The following DOCK1 variants were observed in gnomAD, a reference collection of about 807,000 sequenced individuals.
The protein encoded by DOCK1 is dedicator of cytokinesis 1.
In DOCK1, 138 loss-of-function variants were observed where a neutral mutation model predicts 262.7. The observed-to-expected ratio is 0.53, with a 90% CI of 0.46 to 0.61. The LOEUF is 0.61. Ranked by LOEUF, DOCK1 falls within the 20% of genes least tolerant of loss-of-function variation. The pLI is 0.00. For synonymous variants in DOCK1, 866 were observed against 867.4 expected, an observed-to-expected ratio of 1.00 and a Z score of 0.03; for missense variants, 1,908 against 2,370.7, an observed-to-expected ratio of 0.80 and a Z score of 4.05.
chr10:127,190,137 C>A (rs1212623129), intron 27 of DOCK1, among the ~76,000 whole-genome samples: 9 of 152,312 alleles, frequency 5.9e-5, no homozygotes, highest in Admixed American at 5.2e-4. Context: ...AATACTAGGT[C>A]ACCAAATTCA....
chr10:127,222,382 A>C (rs989966984), intron 27 of DOCK1, among the ~76,000 whole-genome samples: 2 of 152,124 alleles, frequency 1.3e-5, no homozygotes, highest in Admixed American at 6.5e-5. Context: ...CTCTCTCTCA[A>C]TATGTTGTAG....
intron 31 of DOCK1, among the ~76,000 whole-genome samples, chr10:127,352,176 G>C (rs1286773719): frequency 3.6e-5 from 5 of 137,584 alleles, no homozygotes; most frequent in African/African-American, 1.4e-4. Flanking sequence ...GGGGAGCATC[G>C]GGGAGGGGTG....
intron 1 of DOCK1, among the ~76,000 whole-genome samples, chr10:126,954,238 C>G (rs2036555810): frequency 1.3e-5 from 2 of 152,238 alleles, no homozygotes; most frequent in Non-Finnish European, 2.9e-5. Flanking sequence ...CAGAGCAGCA[C>G]TGCTGGAGAG....
intron 6 of DOCK1, among the ~76,000 whole-genome samples, chr10:126,996,296 C>T (rs2040183099): frequency 6.9e-6 from 1 of 145,656 alleles, no homozygotes; most frequent in Non-Finnish European, 1.5e-5. Context: ...AGGAGAATTG[C>T]TTGAACCCGG....
At chr10:127,108,653 C>T (rs1359684488) in intron 24 of DOCK1, among the ~76,000 whole-genome samples, 1 of 152,174 alleles carries the variant, frequency 6.6e-6, no homozygotes, top group Non-Finnish European at 1.5e-5. Flanking sequence ...TCTTCCTCTC[C>T]CATGCCACGA....
intron 33 of DOCK1, among the ~76,000 whole-genome samples, chr10:127,364,919 A>G (rs1463407243): frequency 1.3e-5 from 2 of 151,698 alleles, no homozygotes; most frequent in Non-Finnish European, 2.9e-5. Flanking sequence ...TTTTAATAAT[A>G]TTAAAGATAA....
chr10:127,403,872 G>A (rs1441564384), intron 39 of DOCK1, among the ~76,000 whole-genome samples: 1 of 152,172 alleles, frequency 6.6e-6, no homozygotes. Flanking sequence ...CCTCCACCTT[G>A]TCATTTTTGT....
intron 6 of DOCK1, among the ~76,000 whole-genome samples, chr10:126,992,746 A>ACACT (rs1565039678): frequency 7.0e-6 from 1 of 143,360 alleles, no homozygotes; most frequent in African/African-American, 2.6e-5. Context: ...AGACACACAC[A>ACACT]CACACACACA....
At chr10:127,369,946 G>A (rs138287225) in intron 33 of DOCK1, among the ~76,000 whole-genome samples, 25 of 152,294 alleles carry the variant, frequency 1.6e-4, no homozygotes, top group East Asian at 1.5e-3. Flanking sequence ...CAGCATGGGC[G>A]CCTAGAGCCC....
chr10:127,363,021 A>ACC (rs2064669179), intron 33 of DOCK1, among the ~76,000 whole-genome samples: 1 of 134,870 alleles, frequency 7.4e-6, no homozygotes, highest in Non-Finnish European at 1.5e-5. Flanking sequence ...CCCCACACAC[A>ACC]CACACACATG....
chr10:127,166,366 A>C (rs2054089357), intron 27 of DOCK1, among the ~76,000 whole-genome samples: 1 of 151,716 alleles, frequency 6.6e-6, no homozygotes. Context: ...CGCCCGGCCC[A>C]AAAAAATGCC....
Position 127,374,146 on chromosome 10 carries a change from T to C in DOCK1, c.3607T>C (p.Leu1203=). ...KLVVRLMERL[L]DYRTIMHDEN... ...CGTTGTGCGCTTAATGGAAAGGCTT[T>C]TGGATTATAGAACCATCATGCACGA... Residue 1203 remains leucine, a synonymous_variant, in exon 35 of 52, where the codon TTG becomes CTG. Transcript: ENST00000623213. 1 of 1,613,868 alleles carries C rather than the reference T, an allele frequency of 6.2e-7. No individual in the cohort carries two copies. The highest frequency in any genetic ancestry group is 8.5e-7 in the Non-Finnish European group (1 of 1,179,828).
intron 27 of DOCK1, among the ~76,000 whole-genome samples, chr10:127,149,475 C>A (rs1278884778): frequency 6.6e-6 from 1 of 152,178 alleles, no homozygotes; most frequent in East Asian, 1.9e-4. Context: ...CCTCCCATGG[C>A]AAAGGTACCC....
intron 33 of DOCK1, among the ~76,000 whole-genome samples, chr10:127,367,844 C>G (rs1326511198): frequency 6.6e-6 from 1 of 152,170 alleles, no homozygotes; most frequent in Non-Finnish European, 1.5e-5. Context: ...AGGCTGCTGC[C>G]TGTGGGGTTT....
At chr10:127,251,276 G>A (rs1017451346) in intron 28 of DOCK1, among the ~76,000 whole-genome samples, 6 of 152,010 alleles carry the variant, frequency 3.9e-5, no homozygotes, top group African/African-American at 1.4e-4. Context: ...ACCACGCCCG[G>A]CTTACTCTGA....
chr10:127,196,169 GCGCCTGCTGCC>G (rs2057125923), intron 27 of DOCK1: 1 of 151,020 alleles, frequency 6.6e-6, no homozygotes, highest in Non-Finnish European at 1.5e-5. Flanking sequence ...GGCCCGCTGC[GCGCCTGCTGCC>G]CGCCCCCTCC....
At chr10:126,918,886 G>A (rs896491852) in intron 1 of DOCK1, among the ~76,000 whole-genome samples, 8 of 107,140 alleles carry the variant, frequency 7.5e-5, no homozygotes, top group Admixed American at 3.0e-4. Context: ...TGTGCAGGTG[G>A]GCACGGAGGA....
chr10:127,384,185 C>T (rs1318200844), intron 37 of DOCK1, among the ~76,000 whole-genome samples: 3 of 152,230 alleles, frequency 2.0e-5, no homozygotes, highest in African/African-American at 7.2e-5. Flanking sequence ...CACGTTGTAT[C>T]TGTTAAGTGG....
intron 1 of DOCK1, among the ~76,000 whole-genome samples, chr10:126,920,728 A>G (rs1473557109): frequency 6.6e-6 from 1 of 152,256 alleles, no homozygotes; most frequent in Non-Finnish European, 1.5e-5. Context: ...ATGTTAAGAC[A>G]TTAAACCTAG....
Sources: allele counts gnomAD v4.1 joint callset (sites outside exome capture counted in the v4.1 genomes callset), GRCh38; gene constraint gnomAD v4.1.1; transcripts MANE v1.5; gene names NCBI Gene and HGNC (gene_info 2026-07-23, HGNC 2026-07-21).